The following DLG2 variants were observed in gnomAD, a reference collection of about 807,000 sequenced individuals.
The protein encoded by DLG2 is disks large homolog 2.
In DLG2, 45 loss-of-function variants were observed where a neutral mutation model predicts 132.5. The observed-to-expected ratio is 0.34, with a 90% CI of 0.27 to 0.44. DLG2 has a LOEUF of 0.44. DLG2 is among the 20% of genes least tolerant of loss of function. The probability of loss-of-function intolerance (pLI) is 1.00; values close to 1 mark genes in which losing one functional copy is unlikely to be tolerated. For synonymous variants in DLG2, 424 were observed against 419.6 expected, an observed-to-expected ratio of 1.01 and a Z score of -0.13; for missense variants, 1,045 against 1,196.9, an observed-to-expected ratio of 0.87 and a Z score of 1.87.
chr11:84,629,292 A>G (rs1594267532), intron 6 of DLG2, among the ~76,000 whole-genome samples: 2 of 152,366 alleles, frequency 1.3e-5, no homozygotes, highest in African/African-American at 4.8e-5. Flanking sequence ...AGGGAAATAT[A>G]AGATCAATAC....
intron 6 of DLG2, among the ~76,000 whole-genome samples, chr11:84,975,285 A>G (rs1389263185): frequency 6.6e-6 from 1 of 152,212 alleles, no homozygotes; most frequent in African/African-American, 2.4e-5. Context: ...TACACTTTCA[A>G]GATTCCTTTG....
At chr11:85,016,354 C>T (rs548258304) in intron 6 of DLG2, among the ~76,000 whole-genome samples, 1 of 152,206 alleles carries the variant, frequency 6.6e-6, no homozygotes, top group African/African-American at 2.4e-5. Flanking sequence ...TTTTCAACTC[C>T]TATCCTTTAA....
chr11:85,604,786 GTGTC>G (rs1460093257), intron 2 of DLG2, among the ~76,000 whole-genome samples: 1 of 152,172 alleles, frequency 6.6e-6, no homozygotes, highest in Non-Finnish European at 1.5e-5. Context: ...AGGTAATCAT[GTGTC>G]TGTTAATTAA....
At chr11:84,972,323 T>A (rs1219251730) in intron 6 of DLG2, among the ~76,000 whole-genome samples, 3 of 152,098 alleles carry the variant, frequency 2.0e-5, no homozygotes, top group Admixed American at 6.5e-5. Context: ...AAAAAAAAAC[T>A]GAGTCTTTTA....
At position 84,092,797 on chromosome 11, in the gene DLG2, G is replaced by A. The variant is rs562651410; in HGVS notation, c.749+6126C>T. Among the ~76,000 whole-genome samples, 147 of 152,202 alleles carry A rather than the reference G, an allele frequency of 9.7e-4. No homozygotes were observed. The Middle Eastern group carries it at 0.01, about 11-fold the overall frequency. On this transcript the variant is annotated intron_variant, in intron 10 of 27. Coordinates refer to ENST00000376104, the MANE Select transcript of DLG2 (RefSeq NM_001142699.3). ...TCACACCTGTAATCCCAGCACTTTGGGAGGCTGAGGTGGGCGGATCACAAG... is the reference window on the plus strand; with the variant it reads ...TCACACCTGTAATCCCAGCACTTTGAGAGGCTGAGGTGGGCGGATCACAAG...
intron 8 of DLG2, among the ~76,000 whole-genome samples, chr11:84,229,655 G>T (rs1416808598): frequency 6.6e-6 from 1 of 152,170 alleles, no homozygotes; most frequent in African/African-American, 2.4e-5. Context: ...CCACTGGTTT[G>T]AAGACCCCTC....
chr11:84,002,488 G>A (rs2094400796), intron 11 of DLG2, among the ~76,000 whole-genome samples: 1 of 152,116 alleles, frequency 6.6e-6, no homozygotes, highest in South Asian at 2.1e-4. Flanking sequence ...CTCTGAAATC[G>A]AGGTGGAGGT....
chr11:84,686,534 G>A (rs1054718545), intron 6 of DLG2, among the ~76,000 whole-genome samples: 2 of 150,668 alleles, frequency 1.3e-5, no homozygotes, highest in African/African-American at 4.9e-5. Context: ...AATCCCTAAA[G>A]TTACATGGTA....
At chr11:83,743,659 C>T (rs961040359) in intron 18 of DLG2, among the ~76,000 whole-genome samples, 4 of 152,006 alleles carry the variant, frequency 2.6e-5, no homozygotes, top group Non-Finnish European at 4.4e-5. Flanking sequence ...GTCTTAAACT[C>T]CTGAGCTCAA....
At chr11:85,513,979 T>C (rs1177446231) in intron 3 of DLG2, among the ~76,000 whole-genome samples, 1 of 151,964 alleles carries the variant, frequency 6.6e-6, no homozygotes, top group Non-Finnish European at 1.5e-5. Flanking sequence ...AGCTTTCTTT[T>C]GAACAATTTA....
Position 83,731,122 on chromosome 11 carries a change from CTCTT to C in DLG2, c.1825+55564_1825+55567del, listed in dbSNP as rs1424233163. ...GTTATGTAATTTCCCTACCTCAGTTCTCTTTCTTTTTTTCTTTTGTAAGTTCAGA... is the reference window on the plus strand; with the variant it reads ...GTTATGTAATTTCCCTACCTCAGTTCTCTTTTTTTCTTTTGTAAGTTCAGA... On this transcript the variant is annotated intron_variant, in intron 18 of 27. Transcript: ENST00000376104. Among the ~76,000 whole-genome samples the C allele has an allele frequency of 6.6e-5, 10 of 152,140 alleles. No individual in the cohort carries two copies. In the East Asian group the frequency reaches 1.7e-3, roughly 26 times the overall value.
intron 6 of DLG2, among the ~76,000 whole-genome samples, chr11:84,641,014 T>C (rs989118772): frequency 6.8e-6 from 1 of 148,000 alleles, no homozygotes; most frequent in African/African-American, 2.5e-5. Context: ...ATTTAAAAAA[T>C]AAACAAAATT....
intron 16 of DLG2, among the ~76,000 whole-genome samples, chr11:83,867,343 A>G (rs1468560496): frequency 2.6e-5 from 4 of 152,164 alleles, no homozygotes; most frequent in African/African-American, 9.6e-5. Context: ...AAACACTTAC[A>G]ACACATATCA....
intron 17 of DLG2, among the ~76,000 whole-genome samples, chr11:83,829,659 T>G (rs2053898036): frequency 6.6e-6 from 1 of 152,208 alleles, no homozygotes; most frequent in Non-Finnish European, 1.5e-5. Context: ...ATGTTTGAGC[T>G]TCTCAAGACT....
At chr11:84,935,694 T>A (rs2048657861) in intron 6 of DLG2, among the ~76,000 whole-genome samples, 1 of 152,104 alleles carries the variant, frequency 6.6e-6, no homozygotes, top group Non-Finnish European at 1.5e-5. Flanking sequence ...ACAATGTTGA[T>A]CCTCCTGCAA....
At chr11:85,186,445 A>C (rs2080107114) in intron 4 of DLG2, among the ~76,000 whole-genome samples, 1 of 152,062 alleles carries the variant, frequency 6.6e-6, no homozygotes, top group Non-Finnish European at 1.5e-5. Flanking sequence ...AGCAGCTTTA[A>C]CTCATGCCTG....
chr11:83,543,389 A>G (rs2096139702), intron 19 of DLG2, among the ~76,000 whole-genome samples: 1 of 152,086 alleles, frequency 6.6e-6, no homozygotes, highest in African/African-American at 2.4e-5. Flanking sequence ...AACAACATTC[A>G]CCTAGATTTA....
At chr11:84,222,013 C>A (rs963663883) in intron 8 of DLG2, among the ~76,000 whole-genome samples, 7 of 151,820 alleles carry the variant, frequency 4.6e-5, no homozygotes, top group Non-Finnish European at 7.4e-5. Flanking sequence ...CAATGTATTA[C>A]AGGTAAAATT....
At chr11:83,627,584 G>T (rs1360660028) in intron 19 of DLG2, among the ~76,000 whole-genome samples, 1 of 152,194 alleles carries the variant, frequency 6.6e-6, no homozygotes, top group Non-Finnish European at 1.5e-5. Context: ...TGGTGTATAT[G>T]TGCCACCTTT....
Sources: allele counts gnomAD v4.1 joint callset (sites outside exome capture counted in the v4.1 genomes callset), GRCh38; gene constraint gnomAD v4.1.1; transcripts MANE v1.5; gene names NCBI Gene and HGNC (gene_info 2026-07-23, HGNC 2026-07-21).